Variants in ENAH observed in about 807,000 individuals in gnomAD.
ENAH encodes the protein ENAH actin regulator, also known as protein enabled homolog.
In ENAH, 23 loss-of-function variants were observed where a neutral mutation model predicts 78.7. The observed-to-expected ratio is 0.29, with a 90% confidence interval of 0.21 to 0.41. The LOEUF is 0.41. ENAH is among the 10% of genes least tolerant of loss of function. The pLI is 1.00. For missense variants in ENAH, 544 were observed against 691.0 expected, an observed-to-expected ratio of 0.79 and a Z score of 2.39; for synonymous variants, 226 against 241.0, an observed-to-expected ratio of 0.94 and a Z score of 0.58.
intron 3 of ENAH, among the ~76,000 whole-genome samples, chr1:225,540,982 CAT>C (rs775584875): frequency 7.9e-4 from 121 of 152,302 alleles, no homozygotes; most frequent in Non-Finnish European, 1.5e-3. Context: ...AAAAACCCCA[CAT>C]ATTTTATGAT....
chr1:225,608,203 T>C (rs746506793), intron 1 of ENAH, among the ~76,000 whole-genome samples: 3 of 131,548 alleles, frequency 2.3e-5, no homozygotes, highest in Admixed American at 7.7e-5. Context: ...AATAAAGGAG[T>C]TGGAATATAA....
intron 2 of ENAH, among the ~76,000 whole-genome samples, chr1:225,565,312 G>GT (rs1160541352): frequency 1.3e-5 from 2 of 152,014 alleles, no homozygotes; most frequent in African/African-American, 4.8e-5. Context: ...GCACATGCCT[G>GT]TAATCCCAGC....
Position 225,495,443 on chromosome 1 carries a change from T to A in ENAH, c.*2332A>T, listed in dbSNP as rs1333113394. Reference sequence around the variant, plus strand: ...ATCTGGGATGATGGGAAATATAGCATGATTCAACACTGGTTTTTTTTTTTT... The same window carrying A: ...ATCTGGGATGATGGGAAATATAGCAAGATTCAACACTGGTTTTTTTTTTTT... On this transcript the variant is annotated 3_prime_UTR_variant, in exon 14 of 14. Transcript: ENST00000366843. 6.8e-6 allele frequency: 1 copy of A among 147,706 alleles called. No homozygotes were observed. Among genetic ancestry groups the A allele is most frequent in the Non-Finnish European group, 1.5e-5 (1 of 67,508 alleles). The allele number at this position is 147,706 out of a possible 1,614,324, so 9.1% of individuals were successfully genotyped here. A position where few individuals can be genotyped will look rare whatever the true frequency, so the allele number is the denominator to read the frequency against.
At chr1:225,643,372 T>C (rs927227102) in intron 1 of ENAH, among the ~76,000 whole-genome samples, 1 of 150,686 alleles carries the variant, frequency 6.6e-6, no homozygotes, top group Admixed American at 6.6e-5. Context: ...ATAGACTGGA[T>C]ACAGAAAGGT....
At chr1:225,635,885 A>G (rs1437965405) in intron 1 of ENAH, among the ~76,000 whole-genome samples, 2 of 152,234 alleles carry the variant, frequency 1.3e-5, no homozygotes, top group Admixed American at 6.5e-5. Flanking sequence ...AGCCAGAGAA[A>G]GCAATTCTGC....
intron 3 of ENAH, among the ~76,000 whole-genome samples, chr1:225,532,237 T>C (rs948269384): frequency 2.0e-5 from 3 of 152,146 alleles, no homozygotes; most frequent in Admixed American, 1.3e-4. Context: ...GACACACAAG[T>C]GTGGGGAGGG....
intron 1 of ENAH, among the ~76,000 whole-genome samples, chr1:225,650,848 TAAAAA>T (rs746549168): frequency 5.1e-5 from 3 of 58,934 alleles, no homozygotes; most frequent in Admixed American, 2.3e-4. Flanking sequence ...AGACTGCATT[TAAAAA>T]AAAAAAAAAA....
intron 2 of ENAH, among the ~76,000 whole-genome samples, chr1:225,555,917 T>C (rs992223879): frequency 2.0e-5 from 3 of 152,192 alleles, no homozygotes; most frequent in African/African-American, 7.2e-5. Context: ...ATTAGATTTA[T>C]TTCCTATTAT....
intron 4 of ENAH, 108 bp from the exon 5 acceptor site, chr1:225,519,673 T>C: frequency 1.4e-6 from 2 of 1,472,272 alleles, no homozygotes; most frequent in Non-Finnish European, 1.8e-6. Context: ...AAAAGCAATG[T>C]AGAGCATGCA....
chr1:225,530,418 C>G, intron 4 of ENAH, 136 bp downstream of exon 4: 1 of 651,664 alleles, frequency 1.5e-6, no homozygotes, highest in East Asian at 2.6e-5. Context: ...ATGACAGTCA[C>G]AAAACTTACT....
chr1:225,530,539 A>G lies in ENAH; in HGVS notation c.434+15T>C, dbSNP rs202142220. Reference sequence around the variant, plus strand: ...AGCATAAAGAAAAAGTACAAACAATAACTTGAAAATTTACCTTCTTTGAAT... The same window carrying G: ...AGCATAAAGAAAAAGTACAAACAATGACTTGAAAATTTACCTTCTTTGAAT... On this transcript the variant is annotated intron_variant, in intron 4 of 13. Transcript: ENST00000366843. 9.5e-5 allele frequency: 152 copies of G among 1,594,728 alleles called. No individual in the cohort carries two copies. The African/African-American group carries it at 1.5e-3, about 16-fold the overall frequency.
chr1:225,546,309 T>C (rs987740178), intron 3 of ENAH, among the ~76,000 whole-genome samples: 1 of 152,142 alleles, frequency 6.6e-6, no homozygotes, highest in African/African-American at 2.4e-5. Flanking sequence ...TGACTATGAA[T>C]TATTAGATAT....
intron 3 of ENAH, among the ~76,000 whole-genome samples, chr1:225,550,884 C>A (rs1483349537): frequency 6.6e-6 from 1 of 151,832 alleles, no homozygotes; most frequent in Non-Finnish European, 1.5e-5. Context: ...ATATAATTTT[C>A]TTTTTTTTGG....
chr1:225,584,125 C>T (rs145385646), intron 1 of ENAH, among the ~76,000 whole-genome samples: 6,619 of 152,198 alleles, frequency 0.043, 236 homozygotes, highest in South Asian at 0.12. Context: ...TGCACACAAG[C>T]CTGGGCGACA....
intron 1 of ENAH, among the ~76,000 whole-genome samples, chr1:225,573,697 TAGAC>T (rs1248960999): frequency 6.6e-6 from 1 of 152,074 alleles, no homozygotes; most frequent in Non-Finnish European, 1.5e-5. Context: ...GATCTGTAGA[TAGAC>T]AGGATGCAAA....
At chr1:225,651,958 GTT>G (rs1439424646) in intron 1 of ENAH, among the ~76,000 whole-genome samples, 1 of 152,142 alleles carries the variant, frequency 6.6e-6, no homozygotes, top group Admixed American at 6.5e-5. Flanking sequence ...TTTAGCTCCT[GTT>G]TTATTGAGTA....
At chr1:225,520,442 G>A (rs1236045445) in intron 4 of ENAH, among the ~76,000 whole-genome samples, 5 of 151,170 alleles carry the variant, frequency 3.3e-5, no homozygotes, top group Non-Finnish European at 7.4e-5. Context: ...GCGCACACAC[G>A]CACCCCTATA....
intron 3 of ENAH, among the ~76,000 whole-genome samples, chr1:225,548,210 C>T (rs201311139): frequency 6.9e-5 from 10 of 144,182 alleles, no homozygotes; most frequent in East Asian, 2.0e-4. Flanking sequence ...TTTTCATTTT[C>T]TTTTTTTTTT....
At chr1:225,608,058 G>A (rs1049901465) in intron 1 of ENAH, among the ~76,000 whole-genome samples, 1 of 151,620 alleles carries the variant, frequency 6.6e-6, no homozygotes, top group African/African-American at 2.4e-5. Context: ...AAGAAACAAC[G>A]CAAGGAACAG....
Sources: allele counts gnomAD v4.1 joint callset (sites outside exome capture counted in the v4.1 genomes callset), GRCh38; gene constraint gnomAD v4.1.1; transcripts MANE v1.5; gene names NCBI Gene and HGNC (gene_info 2026-07-23, HGNC 2026-07-21).